DOCK1: variants seen among roughly 807,000 people sequenced by gnomAD.
The protein encoded by DOCK1 is dedicator of cytokinesis 1.
DOCK1 carries 138 observed loss-of-function variants against 262.7 expected under a neutral mutation model. The observed-to-expected ratio is 0.53, with a 90% CI of 0.46 to 0.61. The LOEUF is 0.61. DOCK1 is among the 20% of genes least tolerant of loss of function. The pLI, the probability that DOCK1 is intolerant of heterozygous loss-of-function variation, is 0.00. For synonymous variants in DOCK1, 866 were observed against 867.4 expected (o/e 1.00, Z 0.03); for missense variants, 1,908 against 2,370.7 (o/e 0.80, Z 4.05).
intron 29 of DOCK1, among the ~76,000 whole-genome samples, chr10:127,301,832 G>C (rs1167377930): frequency 4.0e-5 from 6 of 151,780 alleles, no homozygotes; most frequent in Non-Finnish European, 7.4e-5. Flanking sequence ...TGTAGTCCCA[G>C]CTACTCGGGA....
chr10:127,205,439 T>C (rs1418233471), intron 27 of DOCK1, among the ~76,000 whole-genome samples: 4 of 152,162 alleles, frequency 2.6e-5, no homozygotes, highest in Non-Finnish European at 5.9e-5. Flanking sequence ...ATGCATTCGA[T>C]TTGATATTTT....
At position 127,041,245 on chromosome 10, in the gene DOCK1, G is replaced by A. The variant is rs190482784; in HGVS notation, c.2011-1380G>A. Among the ~76,000 whole-genome samples the A allele has an allele frequency of 2.8e-3, 424 of 152,204 alleles. 2 individuals are homozygous for A. Among genetic ancestry groups the A allele is most frequent in the African/African-American group, 9.0e-3 (373 of 41,536 alleles). On this transcript the variant is annotated intron_variant, in intron 19 of 51. Transcript: ENST00000623213. ...CCCAAGTAGCTGGGATTACAAGCGT[G>A]TGCCACCATGCCCGGCTAGTTTTGT...
At chr10:127,435,977 C>T (rs2069659401) in intron 48 of DOCK1, among the ~76,000 whole-genome samples, 1 of 152,166 alleles carries the variant, frequency 6.6e-6, no homozygotes, top group South Asian at 2.1e-4. Context: ...GGGTCTTCTC[C>T]CTGAGCTAAA....
chr10:126,916,335 T>A (rs1420656691), intron 1 of DOCK1, among the ~76,000 whole-genome samples: 1 of 152,250 alleles, frequency 6.6e-6, no homozygotes, highest in Non-Finnish European at 1.5e-5. Context: ...AATATATGAT[T>A]TCTGGTGATT....
intron 24 of DOCK1, among the ~76,000 whole-genome samples, chr10:127,108,272 C>T (rs1206170510): frequency 4.6e-5 from 7 of 152,128 alleles, no homozygotes; most frequent in African/African-American, 7.2e-5. Context: ...TACACACATA[C>T]GTACACACAC....
intron 27 of DOCK1, among the ~76,000 whole-genome samples, chr10:127,148,030 CAAAAAAAAAAAAAAAAA>C (rs57503481): frequency 1.4e-3 from 89 of 63,328 alleles, no homozygotes; most frequent in African/African-American, 3.4e-3. Flanking sequence ...GACTCTGTCT[CAAAAAAAAAAAAAAAAA>C]AAAAAAAAAA....
rs567515091 is a variant in DOCK1 at position 126,918,340 on chromosome 10, C to T, written c.46+12777C>T. ...TCTGCTGATGCCTGGGCTTGCATGC[C>T]GCTGCCGCTGCCTACTGGTGCGTGG... On this transcript the variant is annotated intron_variant, in intron 1 of 51. Transcript: ENST00000623213. 7.9e-5 allele frequency among the ~76,000 whole-genome samples: 12 copies of T among 152,376 alleles called. No homozygotes were observed. In the East Asian group the frequency reaches 1.4e-3, roughly 17 times the overall value.
Position 127,175,823 on chromosome 10 carries a change from G to A in DOCK1, c.2847+48059G>A. 6.2e-7 allele frequency: 1 copy of A among 1,614,136 alleles called. No individual in the cohort carries two copies. Among genetic ancestry groups the A allele is most frequent in the South Asian group, 1.1e-5 (1 of 91,080 alleles). The stretch of plus-strand genomic sequence containing the variant: ...CCGGGCTTTTACAGGGCTCTGTGCA[G>A]TTGACCCCCAAAGGCTGGTCCACTG... On this transcript the variant is annotated intron_variant, in intron 27 of 51. Coordinates refer to ENST00000623213, the MANE Select transcript of DOCK1 (RefSeq NM_001290223.2). This position sits in a 1 kb window ranked among gnomAD's most constrained non-coding sequence, Gnocchi z 6.3.
At chr10:127,336,784 C>G (rs1172677158) in intron 29 of DOCK1, among the ~76,000 whole-genome samples, 1 of 152,134 alleles carries the variant, frequency 6.6e-6, no homozygotes, top group Non-Finnish European at 1.5e-5. Flanking sequence ...CGTGATTCAC[C>G]CACCTTGGCC....
intron 27 of DOCK1, among the ~76,000 whole-genome samples, chr10:127,239,526 T>C (rs1037609315): frequency 4.6e-5 from 7 of 152,198 alleles, no homozygotes; most frequent in African/African-American, 1.2e-4. Context: ...TTATGATTTA[T>C]GTAAGGCATT....
chr10:127,032,134 C>T lies in DOCK1; in HGVS notation c.1729-3C>T, dbSNP rs1044882106. 1.9e-6 allele frequency: 3 copies of T among 1,583,652 alleles called. No individual in the cohort carries two copies. The highest frequency in any genetic ancestry group is 1.8e-5 in the Admixed American group (1 of 55,452). ...TTGACATACGGCATGACTAAATCCA[C>T]AGGCCGAAGCAAAGAAGCTGGAAGA... On this transcript the variant is annotated splice_polypyrimidine_tract_variant and splice_region_variant and intron_variant, in intron 17 of 51. Coordinates refer to ENST00000623213, the MANE Select transcript of DOCK1 (RefSeq NM_001290223.2).
At chr10:127,374,015 T>G in intron 34 of DOCK1, 43 bp from the exon 35 acceptor site, 1 of 1,568,974 alleles carries the variant, frequency 6.4e-7, no homozygotes, top group Non-Finnish European at 8.6e-7. Flanking sequence ...TTGAGTTTCT[T>G]TTTCTGAGTG....
intron 2 of DOCK1, among the ~76,000 whole-genome samples, chr10:126,974,719 T>G (rs2038384948): frequency 6.6e-6 from 1 of 152,246 alleles, no homozygotes; most frequent in Middle Eastern, 3.4e-3. Context: ...GGGTTTGTGG[T>G]GTGACCCCTA....
chr10:127,390,794 T>G (rs1463452086), intron 38 of DOCK1, among the ~76,000 whole-genome samples: 1 of 152,198 alleles, frequency 6.6e-6, no homozygotes, highest in Non-Finnish European at 1.5e-5. Flanking sequence ...TTTGTATAGA[T>G]TTCATGTTGA....
chr10:127,110,108 C>G, intron 24 of DOCK1, 140 bp from the exon 25 acceptor site: 1 of 677,754 alleles, frequency 1.5e-6, no homozygotes, highest in Non-Finnish European at 2.6e-6. Context: ...GAGTTATTGA[C>G]CCCATAGTGC....
At position 127,332,848 on chromosome 10, in the gene DOCK1, G is replaced by A. The variant is rs139053921; in HGVS notation, c.3045-6158G>A. On this transcript the variant is annotated intron_variant, in intron 29 of 51. Coordinates refer to ENST00000623213, the MANE Select transcript of DOCK1 (RefSeq NM_001290223.2). ...CAAGTGTGGGGAGGTGCCAGGAGAC[G>A]GAGCGGCTGAGATGAAGCATTCATT... is the stretch of plus-strand genomic sequence containing the variant. Among the ~76,000 whole-genome samples, 17 of 152,270 alleles carry A rather than the reference G, an allele frequency of 1.1e-4. No homozygotes were observed. The East Asian group carries it at 2.5e-3, about 23-fold the overall frequency.
rs533547937 is a variant in DOCK1, at chr10:127,070,429, T to A, written c.2445+8653T>A. 5.3e-5 allele frequency among the ~76,000 whole-genome samples: 8 copies of A among 151,844 alleles called. No individual in the cohort carries two copies. In the South Asian group the frequency reaches 1.7e-3, roughly 32 times the overall value. ...CTACCACGCCAAGCTAATTTTTGTATTTTTAGTAGAGACAGGGTTTCACCA... is the reference window on the plus strand; with the variant it reads ...CTACCACGCCAAGCTAATTTTTGTAATTTTAGTAGAGACAGGGTTTCACCA... On this transcript the variant is annotated intron_variant, in intron 23 of 51. Coordinates refer to ENST00000623213, the MANE Select transcript of DOCK1 (RefSeq NM_001290223.2).
chr10:127,054,608 A>G (rs2045005673), intron 22 of DOCK1, among the ~76,000 whole-genome samples: 2 of 152,162 alleles, frequency 1.3e-5, no homozygotes, highest in African/African-American at 4.8e-5. Flanking sequence ...AGTTAATTCT[A>G]TGAAAATGAA....
chr10:126,946,587 C>T (rs2035425535), intron 1 of DOCK1, among the ~76,000 whole-genome samples: 1 of 152,078 alleles, frequency 6.6e-6, no homozygotes, highest in African/African-American at 2.4e-5. Context: ...TCCCCTCAGC[C>T]TCCGTTAACT....
Sources: allele counts gnomAD v4.1 joint callset (sites outside exome capture counted in the v4.1 genomes callset), GRCh38; gene constraint gnomAD v4.1.1; non-coding constraint Gnocchi (gnomAD v3.1); transcripts MANE v1.5; gene names NCBI Gene and HGNC (gene_info 2026-07-23, HGNC 2026-07-21).